The following BAZ1A variants were observed in gnomAD, a reference collection of about 807,000 sequenced individuals.
BAZ1A encodes bromodomain adjacent to zinc finger domain 1A.
BAZ1A carries 50 observed loss-of-function variants against 185.2 expected under a neutral mutation model. The ratio of observed to expected loss-of-function variants is 0.27; its 90% confidence interval spans 0.22 to 0.34. The LOEUF is 0.34. BAZ1A is among the 10% of genes least tolerant of loss of function. The pLI, the probability that BAZ1A is intolerant of heterozygous loss-of-function variation, is 1.00. For missense variants in BAZ1A, 1,356 were observed against 1,839.9 expected (o/e 0.74, Z 4.81); for synonymous variants, 571 against 615.6 (o/e 0.93, Z 1.07).
At chr14:34,872,064 TTG>T in intron 2 of BAZ1A, among the ~76,000 whole-genome samples, 1 of 152,302 alleles carries the variant, frequency 6.6e-6, no homozygotes, top group Admixed American at 6.5e-5. Context: ...TCTTCCAATT[TTG>T]TCAAAATTAT....
At position 34,788,567 on chromosome 14, in the gene BAZ1A, G is replaced by T. The variant is rs1262975808; in HGVS notation, c.1511-2346C>A. The stretch of plus-strand genomic sequence containing the variant: ...GATCCATCTGCCCTGGCTTCCCGAA[G>T]TGCCAGGATTACAGGTGTGAGCCAC... On this transcript the variant is annotated intron_variant, in intron 12 of 26. Transcript: ENST00000360310. 4.6e-5 allele frequency among the ~76,000 whole-genome samples: 7 copies of T among 151,982 alleles called. No homozygotes were observed. The East Asian group carries it at 1.3e-3, about 29-fold the overall frequency.
rs1259408706 is a variant in BAZ1A at position 34,874,435 on chromosome 14, G to A, written c.113+57C>T. 4 of 1,470,242 alleles carry A rather than the reference G, an allele frequency of 2.7e-6. No individual in the cohort carries two copies. The highest frequency in any genetic ancestry group is 1.1e-5 in the South Asian group (1 of 88,004). The allele number at this position is 1,470,242 out of a possible 1,614,324, so 91.1% of individuals were successfully genotyped here. ...CGAGGAAAAGGAGAGAGACAAAAGA[G>A]CGCTGCGGGGGGAGTCCCCACACCC... is the stretch of plus-strand genomic sequence containing the variant. On this transcript the variant is annotated intron_variant, in intron 2 of 26. Coordinates refer to ENST00000360310, the MANE Select transcript of BAZ1A (RefSeq NM_013448.3). This position sits in a 1 kb window ranked among gnomAD's most constrained non-coding sequence, Gnocchi z 4.7.
intron 4 of BAZ1A, among the ~76,000 whole-genome samples, chr14:34,814,990 G>C (rs923269761): frequency 4.0e-5 from 6 of 150,128 alleles, no homozygotes; most frequent in Non-Finnish European, 1.5e-5. Context: ...GGCCAGGCTG[G>C]TCTCGAACTC....
At chr14:34,828,654 T>C (rs1178363519) in intron 3 of BAZ1A, 2 of 152,264 alleles carry the variant, frequency 1.3e-5, no homozygotes, top group African/African-American at 2.4e-5. Flanking sequence ...AAGGGTTCTC[T>C]TCCAGCCTGT....
chr14:34,851,221 T>C (rs2042591495), intron 3 of BAZ1A, among the ~76,000 whole-genome samples: 1 of 149,818 alleles, frequency 6.7e-6, no homozygotes, highest in South Asian at 2.1e-4. Context: ...TAGTCCCAGC[T>C]ACTTAGGAGG....
Position 34,765,227 on chromosome 14 carries a change from G to A in BAZ1A, c.3343C>T (p.Arg1115Cys), listed in dbSNP as rs562160763. Residue 1115 changes from arginine to cysteine, a missense_variant, in exon 22 of 27, where the codon CGT becomes TGT. This residue lies in a region of BAZ1A where 434 missense variants were observed against 561.7 expected (regional missense o/e 0.77). Transcript: ENST00000360310. ...GAAGAAAGGAGAGACTCTCTCCAACGGTCCAGAACTGTTTTATAAGAACGC... is the reference window on the plus strand; with the variant it reads ...GAAGAAAGGAGAGACTCTCTCCAACAGTCCAGAACTGTTTTATAAGAACGC... ...SGRSYKTVLD[R>C]WRESLLSSAS... 2 of 1,614,058 alleles carry A rather than the reference G, an allele frequency of 1.2e-6. No homozygotes were observed. The highest frequency in any genetic ancestry group is 8.5e-7 in the Non-Finnish European group (1 of 1,179,998).
intron 3 of BAZ1A, among the ~76,000 whole-genome samples, chr14:34,844,810 CACAA>C (rs2042482640): frequency 4.9e-5 from 7 of 142,522 alleles, no homozygotes; most frequent in Admixed American, 7.0e-5. Flanking sequence ...CACACACACA[CACAA>C]AATCCAACAT....
rs2042507986 is a variant in BAZ1A, at chr14:34,846,064, C to T, written c.392+15980G>A. Among the ~76,000 whole-genome samples the T allele has an allele frequency of 2.0e-5, 3 of 152,098 alleles. No homozygotes were observed. The South Asian group carries it at 6.2e-4, about 31-fold the overall frequency. On this transcript the variant is annotated intron_variant, in intron 3 of 26. Transcript: ENST00000360310. ...GTCAGAAGTAGCTATACAGTCTCAC[C>T]TCTTTCATGTGATGAGCCTATTATA...
chr14:34,756,000 TC>T (rs1192280837), intron 25 of BAZ1A, among the ~76,000 whole-genome samples: 1 of 140,128 alleles, frequency 7.1e-6, no homozygotes, highest in African/African-American at 2.5e-5. Context: ...TTTTTCTTTT[TC>T]TTTTTTTTTT....
In BAZ1A at chr14:34,758,450, T is replaced by C. The variant is rs189607547; in HGVS notation, c.4386+254A>G. On this transcript the variant is annotated intron_variant, in intron 25 of 26. Transcript: ENST00000360310. Reference sequence around the variant, plus strand: ...GAAATATTAGCCGGGTGTGGTGGTGTGTGCCTGTAATCCCAGTTACTCAGG... The same window carrying C: ...GAAATATTAGCCGGGTGTGGTGGTGCGTGCCTGTAATCCCAGTTACTCAGG... The C allele has an allele frequency of 1.5e-3, 506 of 338,070 alleles. 4 individuals carry two copies. The highest frequency in any genetic ancestry group is 1.0e-2 in the African/African-American group (459 of 46,050). 20.9% of individuals were successfully genotyped at this position (338,070 alleles called of 1,614,324 possible). A position where few individuals can be genotyped will look rare whatever the true frequency, so the allele number is the denominator to read the frequency against.
chr14:34,875,222 C>T lies in BAZ1A; in HGVS notation c.-143G>A. ...ACCCCGTCCTCCCAGGGGACCGCCT[C>T]TCTCCGGCCCCGCCGCGCCCCTGGC... On this transcript the variant is annotated 5_prime_UTR_variant, in exon 1 of 27. Coordinates refer to ENST00000360310, the MANE Select transcript of BAZ1A (RefSeq NM_013448.3). 2.2e-6 allele frequency: 1 copy of T among 451,564 alleles called. No individual in the cohort carries two copies. The highest frequency in any genetic ancestry group is 1.6e-5 in the South Asian group (1 of 64,324). 28.0% of individuals were successfully genotyped at this position (451,564 alleles called of 1,614,324 possible). A position where few individuals can be genotyped will look rare whatever the true frequency, so the allele number is the denominator to read the frequency against.
At chr14:34,809,680 G>C (rs2041901982) in intron 5 of BAZ1A, among the ~76,000 whole-genome samples, 1 of 152,000 alleles carries the variant, frequency 6.6e-6, no homozygotes, top group Non-Finnish European at 1.5e-5. Context: ...TTACCAATTA[G>C]GAAGAAAATG....
rs1245976724 is a variant in BAZ1A, at chr14:34,761,898, G to C, written c.4102C>G (p.Pro1368Ala). ...TTAGGGAAGTTGGGACTATTTTCTG[G>C]TGTATTATTAGCACTTTTCCTGCCT... ...RRGRKSANNTPENSPNFPNFR... is the reference protein window; with the variant it reads ...RRGRKSANNTAENSPNFPNFR... Residue 1368 changes from proline to alanine, a missense_variant, in exon 24 of 27, where the codon CCA becomes GCA. Physicochemically the swap from Pro to Ala is conservative, Grantham distance 27. Coordinates refer to ENST00000360310, the MANE Select transcript of BAZ1A (RefSeq NM_013448.3). The C allele has an allele frequency of 1.9e-6, 3 of 1,614,030 alleles. No individual in the cohort carries two copies. Among genetic ancestry groups the C allele is most frequent in the African/African-American group, 2.7e-5 (2 of 74,906 alleles).
At chr14:34,854,517 G>GA (rs766158791) in intron 3 of BAZ1A, among the ~76,000 whole-genome samples, 67 of 151,320 alleles carry the variant, frequency 4.4e-4, no homozygotes, top group Middle Eastern at 3.4e-3. Context: ...AAAGTCAATA[G>GA]AAAAAAAAAT....
chr14:34,770,936 G>GA (rs3062585), intron 21 of BAZ1A, among the ~76,000 whole-genome samples: 51 of 149,478 alleles, frequency 3.4e-4, no homozygotes, highest in East Asian at 3.0e-3. Flanking sequence ...TCAAATAACA[G>GA]AAAAAAAAAA....
rs200851720 is a variant in BAZ1A at position 34,800,209 on chromosome 14, T to C, written c.1128+15A>G. The C allele has an allele frequency of 1.1e-4, 152 of 1,380,664 alleles. No homozygotes were observed. The highest frequency in any genetic ancestry group is 5.3e-4 in the Middle Eastern group (2 of 3,786). The allele number at this position is 1,380,664 out of a possible 1,614,324, so 85.5% of individuals were successfully genotyped here. A position where few individuals can be genotyped will look rare whatever the true frequency, so the allele number is the denominator to read the frequency against. On this transcript the variant is annotated intron_variant, in intron 9 of 26. Coordinates refer to ENST00000360310, the MANE Select transcript of BAZ1A (RefSeq NM_013448.3). ...CTATATGTAGAGAGTATAGCTAATATACTCAAATGAATACCTTTTCTCTTT... is the reference window on the plus strand; with the variant it reads ...CTATATGTAGAGAGTATAGCTAATACACTCAAATGAATACCTTTTCTCTTT...
chr14:34,819,160 AAAAAAAG>A (rs199537033), intron 4 of BAZ1A, among the ~76,000 whole-genome samples: 11,440 of 145,626 alleles, frequency 0.079, 663 homozygotes, highest in Non-Finnish European at 0.13. Context: ...AAAAAAAAAA[AAAAAAAG>A]AATGAATCTT....
chr14:34,794,054 C>T (rs1020845387), intron 11 of BAZ1A, among the ~76,000 whole-genome samples: 3 of 152,072 alleles, frequency 2.0e-5, no homozygotes, highest in Admixed American at 2.0e-4. Context: ...ATCGCTTGAA[C>T]CCTGGAGGTG....
At position 34,765,060 on chromosome 14, in the gene BAZ1A, A is replaced by C. The variant is rs746714250; in HGVS notation, c.3510T>G (p.Asp1170Glu). The change falls in exon 22 of 27, where the codon GAT (aspartate) becomes GAG (glutamate). Residue 1170 changes from aspartate to glutamate, a missense_variant. Transcript: ENST00000360310. ...GAACACAGTAGGTATGATGACCCCT[A>C]TCACAGCCATCACAAAGAACCATGT... The part of the protein sequence containing the change: ...AENMVLCDGC[D>E]RGHHTYCVRP... The C allele has an allele frequency of 5.6e-6, 9 of 1,614,208 alleles. No homozygotes were observed. In the Admixed American group the frequency reaches 1.2e-4, roughly 21 times the overall value.
Sources: gnomAD v4.1 joint callset for allele counts (sites outside exome capture counted in the v4.1 genomes callset) on GRCh38, gnomAD v4.1.1 for gene constraint, gnomAD v4.1.1 regional missense constraint, Gnocchi (gnomAD v3.1) non-coding constraint, MANE v1.5 for transcripts, NCBI Gene and HGNC (gene_info 2026-07-23, HGNC 2026-07-21) for gene names.